Variants in ERI1 observed in about 807,000 individuals in gnomAD.
The protein encoded by ERI1 is 3'-5' exoribonuclease 1.
Under a neutral mutation model 39.7 loss-of-function variants are expected in ERI1, and 39 were observed. The ratio of observed to expected loss-of-function variants is 0.98; its 90% CI spans 0.76 to 1.28. The LOEUF (loss-of-function observed/expected upper bound fraction) is 1.28. ERI1 is among the 50% of genes most tolerant of loss of function. ERI1 has a pLI of 0.00. For synonymous variants in ERI1, 204 were observed against 149.6 expected (o/e 1.36, Z -2.65); for missense variants, 581 against 416.9 (o/e 1.39, Z -3.43).
At chr8:9,099,781 T>A (rs557255684) in intron 3 of ERI1, 4 of 152,344 alleles carry the variant, frequency 2.6e-5, no homozygotes, top group African/African-American at 9.6e-5. Flanking sequence ...TTCTACTTTT[T>A]GGTTATTACG....
At chr8:9,037,401 C>A (rs143475352), downstream of ERI1, among the ~76,000 whole-genome samples, 1 of 152,130 alleles carries the variant, frequency 6.6e-6, no homozygotes, top group Non-Finnish European at 1.5e-5. Flanking sequence ...CAGCCCGGAC[C>A]TTTGGCAACA....
intron 1 of ERI1, among the ~76,000 whole-genome samples, chr8:9,007,429 T>C (rs1005344562): frequency 6.6e-6 from 1 of 152,200 alleles, no homozygotes; most frequent in Admixed American, 6.5e-5. Context: ...ATGGGTTCAT[T>C]TGTAAATATT....
At chr8:9,028,560 T>A (rs1282009679) in intron 6 of ERI1, among the ~76,000 whole-genome samples, 1 of 152,218 alleles carries the variant, frequency 6.6e-6, no homozygotes, top group Non-Finnish European at 1.5e-5. Context: ...GGCAAAATAG[T>A]TGTACAAACT....
At chr8:9,033,589 C>CA (rs1425846319), downstream of ERI1, among the ~76,000 whole-genome samples, 18 of 152,196 alleles carry the variant, frequency 1.2e-4, no homozygotes, top group Admixed American at 1.2e-3. Context: ...ATACTTGCAT[C>CA]AGACATTTAT....
At chr8:9,050,962 G>C (rs1798338220) in intron 3 of ERI1, among the ~76,000 whole-genome samples, 1 of 152,038 alleles carries the variant, frequency 6.6e-6, no homozygotes, top group Non-Finnish European at 1.5e-5. Flanking sequence ...TCTTTGTCTG[G>C]GCTGGTTCAT....
At chr8:9,065,601 A>G (rs1327685148) in intron 3 of ERI1, among the ~76,000 whole-genome samples, 1 of 150,814 alleles carries the variant, frequency 6.6e-6, no homozygotes, top group Non-Finnish European at 1.5e-5. Flanking sequence ...AGGCTGAGGC[A>G]GGAAAATGGC....
chr8:9,043,369 G>T (rs1031242444), intron 3 of ERI1, among the ~76,000 whole-genome samples: 2 of 152,164 alleles, frequency 1.3e-5, no homozygotes, highest in African/African-American at 4.8e-5. Context: ...AATAATCAGA[G>T]CTGTGCCTGG....
intron 3 of ERI1, among the ~76,000 whole-genome samples, chr8:9,043,550 G>A (rs1052578505): frequency 1.3e-5 from 2 of 152,236 alleles, no homozygotes; most frequent in African/African-American, 2.4e-5. Context: ...AGGCAGATGA[G>A]ATGCAAATAG....
At chr8:9,089,550 G>C (rs1418536484) in intron 3 of ERI1, among the ~76,000 whole-genome samples, 1 of 152,224 alleles carries the variant, frequency 6.6e-6, no homozygotes, top group East Asian at 1.9e-4. Context: ...GGAAGAAAAT[G>C]CCCTATGAGG....
intron 3 of ERI1, among the ~76,000 whole-genome samples, chr8:9,077,161 C>T (rs561496845): frequency 4.8e-4 from 73 of 152,332 alleles, no homozygotes; most frequent in African/African-American, 1.6e-3. Context: ...TGGTTTTACA[C>T]TTCTTTTCCA....
chr8:9,061,811 C>T lies in ERI1; in HGVS notation n.299+41347C>T, dbSNP rs535545556. On this transcript the variant is annotated intron_variant and non_coding_transcript_variant, in intron 3 of 3. Transcript: ENST00000518663. ...AATGGGTGCTGTCCGTGAAGTTTTG[C>T]AGCAGTATAGCCCAGGTAATTTGCT... is the stretch of plus-strand genomic sequence containing the variant. Among the ~76,000 whole-genome samples, 14 of 149,744 alleles carry T rather than the reference C, an allele frequency of 9.3e-5. 1 individual carries two copies. The highest frequency in any genetic ancestry group is 3.0e-4 in the African/African-American group (12 of 40,462).
At chr8:9,004,312 A>C in intron 1 of ERI1, 2 of 1,107,144 alleles carry the variant, frequency 1.8e-6, no homozygotes, top group Non-Finnish European at 2.2e-6. Flanking sequence ...TGGGTTTTAA[A>C]ATAAATTTCG....
intron 5 of ERI1, 136 bp downstream of exon 5, chr8:9,018,542 TC>T: frequency 3.7e-6 from 2 of 545,668 alleles, no homozygotes; most frequent in Non-Finnish European, 6.5e-6. Flanking sequence ...ATAGTATTTT[TC>T]CTTTCACCTA....
intron 6 of ERI1, among the ~76,000 whole-genome samples, chr8:9,029,359 CGCTCTGTT>C (rs1797420983): frequency 6.6e-6 from 1 of 152,078 alleles, no homozygotes; most frequent in Non-Finnish European, 1.5e-5. Flanking sequence ...GATGGAGTCT[CGCTCTGTT>C]GTTCAGGCTG....
In ERI1 at chr8:9,029,816, A is replaced by G. The variant is rs928678560; in HGVS notation, c.832A>G (p.Thr278Ala). 7.4e-6 allele frequency: 12 copies of G among 1,614,084 alleles called. No individual in the cohort carries two copies. In the African/African-American group the frequency reaches 1.3e-4, roughly 18 times the overall value. ...YKVPRSQTKL[T>A]IMLEKLGMDY... Reference sequence around the variant, plus strand: ...GGTTCCTAGAAGCCAAACCAAACTGACAATAATGCTTGAAAAATTAGGAAT... The same window carrying G: ...GGTTCCTAGAAGCCAAACCAAACTGGCAATAATGCTTGAAAAATTAGGAAT... The change falls in exon 7 of 7, where the codon ACA becomes GCA. Residue 278 changes from threonine to alanine, a missense_variant. Coordinates refer to ENST00000250263, the MANE Select transcript of ERI1 (RefSeq NM_153332.4).
intron 3 of ERI1, among the ~76,000 whole-genome samples, chr8:9,067,943 C>CAT (rs929451883): frequency 6.6e-6 from 1 of 151,628 alleles, no homozygotes; most frequent in African/African-American, 2.4e-5. Flanking sequence ...CACACACACA[C>CAT]ATATATGTAT....
intron 3 of ERI1, chr8:9,048,415 A>C (rs997161824): frequency 6.5e-6 from 1 of 154,422 alleles, no homozygotes; most frequent in African/African-American, 2.4e-5. Context: ...TAGTTTAAAA[A>C]ACGTCCTTAA....
At position 9,033,283 on chromosome 8, in the gene ERI1, T is replaced by G. The variant is rs1452173842; in HGVS notation, c.*3249T>G. 2 of 152,248 alleles carry G rather than the reference T, an allele frequency of 1.3e-5. No homozygotes were observed. Among genetic ancestry groups the G allele is most frequent in the Non-Finnish European group, 2.9e-5 (2 of 68,048 alleles). The allele number at this position is 152,248 out of a possible 1,614,324, so 9.4% of individuals were successfully genotyped here. Reference sequence around the variant, plus strand: ...TTGTTAATGGCTCAAAATAATATTTTGTATAATACGAAAATTACGAAATTT... The same window carrying G: ...TTGTTAATGGCTCAAAATAATATTTGGTATAATACGAAAATTACGAAATTT... On this transcript the variant is annotated 3_prime_UTR_variant, in exon 7 of 7. Transcript: ENST00000250263.
At chr8:9,081,822 CA>C (rs1224963630) in intron 3 of ERI1, among the ~76,000 whole-genome samples, 1 of 151,966 alleles carries the variant, frequency 6.6e-6, no homozygotes, top group Non-Finnish European at 1.5e-5. Context: ...GCTCCAAAGC[CA>C]AGAGAGGGAA....
Sources: gnomAD v4.1 joint callset for allele counts (sites outside exome capture counted in the v4.1 genomes callset) on GRCh38, gnomAD v4.1.1 for gene constraint, MANE v1.5 for transcripts, NCBI Gene and HGNC (gene_info 2026-07-23, HGNC 2026-07-21) for gene names.